SYT16: variants seen among roughly 807,000 people sequenced by gnomAD.
SYT16 encodes the protein synaptotagmin 16, also known as synaptotagmin-16.
SYT16 carries 42 observed loss-of-function variants against 61.4 expected under a neutral mutation model. That is an observed-to-expected ratio of 0.68 (90% CI 0.53 to 0.89). SYT16 has a LOEUF of 0.89. Ranked by LOEUF, SYT16 falls within the 40% of genes least tolerant of loss-of-function variation. The pLI is 0.00. For missense variants in SYT16, 804 were observed against 807.3 expected (o/e 1.00, Z 0.05); for synonymous variants, 314 against 302.3 (o/e 1.04, Z -0.40).
intron 3 of SYT16, among the ~76,000 whole-genome samples, chr14:62,003,482 G>T (rs2053103455): frequency 6.6e-6 from 1 of 151,822 alleles, no homozygotes; most frequent in South Asian, 2.1e-4. Context: ...AAGTGCTTGT[G>T]TTCTTTCTCT....
At chr14:61,939,606 T>G (rs2050129609) in intron 1 of SYT16, among the ~76,000 whole-genome samples, 1 of 152,230 alleles carries the variant, frequency 6.6e-6, no homozygotes, top group African/African-American at 2.4e-5. Flanking sequence ...CCTCTTTTTA[T>G]GAGGATGCCA....
chr14:61,932,455 C>T (rs146594095), intron 1 of SYT16, among the ~76,000 whole-genome samples: 1 of 152,270 alleles, frequency 6.6e-6, no homozygotes, highest in African/African-American at 2.4e-5. Flanking sequence ...GGGAAGCAGG[C>T]ACATCTTACA....
chr14:61,987,542 C>G (rs2052364957), intron 2 of SYT16, among the ~76,000 whole-genome samples: 1 of 152,004 alleles, frequency 6.6e-6, no homozygotes, highest in Non-Finnish European at 1.5e-5. Context: ...TGGCAGAAGG[C>G]CATAGAGTTT....
intron 1 of SYT16, among the ~76,000 whole-genome samples, chr14:61,830,233 G>A (rs1461046570): frequency 6.6e-6 from 1 of 152,170 alleles, no homozygotes; most frequent in Non-Finnish European, 1.5e-5. Flanking sequence ...GGTGTCTGTA[G>A]ATTGTCTTGT....
intron 2 of SYT16, among the ~76,000 whole-genome samples, chr14:61,979,064 A>G (rs978474632): frequency 3.3e-5 from 5 of 152,224 alleles, no homozygotes; most frequent in African/African-American, 1.2e-4. Flanking sequence ...TGATTTGGAT[A>G]ACATTCTGTT....
chr14:61,890,273 CA>C (rs1463737463), intron 1 of SYT16, among the ~76,000 whole-genome samples: 2 of 152,086 alleles, frequency 1.3e-5, no homozygotes, highest in African/African-American at 4.8e-5. Context: ...AAAGAGGGGC[CA>C]GGGGAGTTCC....
intron 2 of SYT16, among the ~76,000 whole-genome samples, chr14:61,987,401 C>T (rs1176406014): frequency 6.6e-6 from 1 of 152,080 alleles, no homozygotes; most frequent in Non-Finnish European, 1.5e-5. Context: ...AAATATGCAC[C>T]TTAGAAAGAT....
chr14:61,832,842 T>C (rs2045984808), intron 1 of SYT16, among the ~76,000 whole-genome samples: 1 of 152,246 alleles, frequency 6.6e-6, no homozygotes. Flanking sequence ...TTTATTTGGT[T>C]ATTTAAAATA....
chr14:62,078,155 C>CTCTATATATATATA (rs766089633), intron 5 of SYT16, among the ~76,000 whole-genome samples: 7 of 135,936 alleles, frequency 5.1e-5, no homozygotes, highest in African/African-American at 2.0e-4. Flanking sequence ...CTCTCTCTCT[C>CTCTATATATATATA]TATATATATA....
rs537695744 is a variant in SYT16, at chr14:62,011,792, C to T, written c.523+15250C>T. On this transcript the variant is annotated intron_variant, in intron 3 of 7. Coordinates refer to ENST00000683842, the MANE Select transcript of SYT16 (RefSeq NM_001367656.1). ...AGATTTGTTGTGTCACCACATATGC[C>T]GTATATCACCACAGGACCCCAAACA... Among the ~76,000 whole-genome samples the T allele has an allele frequency of 8.6e-5, 13 of 150,874 alleles. 1 individual carries two copies. Among genetic ancestry groups the T allele is most frequent in the South Asian group, 6.3e-4 (3 of 4,772 alleles).
intron 1 of SYT16, among the ~76,000 whole-genome samples, chr14:61,880,254 A>T (rs780288165): frequency 7.2e-5 from 11 of 152,210 alleles, no homozygotes; most frequent in Non-Finnish European, 1.5e-4. Context: ...GTGACAAATT[A>T]TATAGTCTTA....
At chr14:61,865,304 G>T (rs1175018878) in intron 1 of SYT16, 6 of 737,800 alleles carry the variant, frequency 8.1e-6, no homozygotes, top group Non-Finnish European at 9.7e-6. Context: ...CCCTCTGAAC[G>T]CAGGGATGCG....
At chr14:62,004,169 G>A (rs1275095140) in intron 3 of SYT16, among the ~76,000 whole-genome samples, 2 of 152,138 alleles carry the variant, frequency 1.3e-5, no homozygotes, top group African/African-American at 4.8e-5. Context: ...GGCTGGGGAG[G>A]CCTGAAGAAA....
chr14:61,989,854 C>T (rs1566742347), intron 2 of SYT16, among the ~76,000 whole-genome samples: 1 of 152,152 alleles, frequency 6.6e-6, no homozygotes, highest in Non-Finnish European at 1.5e-5. Context: ...GGCAGCTTCA[C>T]ATTTCATTTT....
intron 1 of SYT16, among the ~76,000 whole-genome samples, chr14:61,854,167 ATATACT>A: frequency 6.6e-6 from 1 of 152,258 alleles, no homozygotes; most frequent in Non-Finnish European, 1.5e-5. Context: ...TTTTCCAGAG[ATATACT>A]TGTGAGATTG....
At chr14:62,092,523 C>G (rs2057121407) in intron 7 of SYT16, among the ~76,000 whole-genome samples, 2 of 151,796 alleles carry the variant, frequency 1.3e-5, no homozygotes, top group African/African-American at 4.8e-5. Flanking sequence ...GTGGTATATA[C>G]ATATAAGGAA....
chr14:62,023,087 C>T (rs2140767237), intron 3 of SYT16, among the ~76,000 whole-genome samples: 1 of 152,136 alleles, frequency 6.6e-6, no homozygotes, highest in South Asian at 2.1e-4. Context: ...TTTCAGTAAG[C>T]CCAGTAATTT....
At chr14:61,986,707 T>C (rs1014253823) in intron 2 of SYT16, among the ~76,000 whole-genome samples, 2 of 152,134 alleles carry the variant, frequency 1.3e-5, no homozygotes, top group African/African-American at 4.8e-5. Flanking sequence ...GGAAAAGTTA[T>C]TGAGGCCCTA....
intron 1 of SYT16, among the ~76,000 whole-genome samples, chr14:61,947,940 T>C (rs1366524203): frequency 6.6e-6 from 1 of 152,188 alleles, no homozygotes; most frequent in Non-Finnish European, 1.5e-5. Context: ...ACAGTGATTA[T>C]TATGAGGCAA....
Sources: gnomAD v4.1 joint callset for allele counts (sites outside exome capture counted in the v4.1 genomes callset) on GRCh38, gnomAD v4.1.1 for gene constraint, MANE v1.5 for transcripts, NCBI Gene and HGNC (gene_info 2026-07-23, HGNC 2026-07-21) for gene names.